FBXO28: variants seen among roughly 807,000 people sequenced by gnomAD.
FBXO28 encodes the protein F-box only protein 28.
Under a neutral mutation model 38.1 loss-of-function variants are expected in FBXO28, and 8 were observed. The ratio of observed to expected loss-of-function variants is 0.21; its 90% CI spans 0.12 to 0.38. FBXO28 has a LOEUF of 0.38. Among genes scored for constraint, FBXO28 ranks in the 10% least tolerant of loss-of-function variants. The pLI, the probability that FBXO28 is intolerant of heterozygous loss-of-function variation, is 1.00. For synonymous variants in FBXO28, 168 were observed against 173.8 expected (o/e 0.97, Z 0.26); for missense variants, 345 against 460.6 (o/e 0.75, Z 2.30).
At chr1:224,135,478 G>A (rs905676585) in intron 3 of FBXO28, among the ~76,000 whole-genome samples, 13 of 151,842 alleles carry the variant, frequency 8.6e-5, no homozygotes, top group African/African-American at 2.9e-4. Flanking sequence ...CGGCTGTAGT[G>A]GCTCGCACCT....
chr1:224,157,308 G>T (rs1257555994), intron 4 of FBXO28, 44 bp from the exon 5 acceptor site: 3 of 1,535,852 alleles, frequency 2.0e-6, no homozygotes, highest in African/African-American at 1.4e-5. Flanking sequence ...TACTGGTAGA[G>T]AGACATTTTA....
Position 224,158,122 on chromosome 1 carries a change from G to A in FBXO28, c.*376G>A, listed in dbSNP as rs968304149. 6 of 995,094 alleles carry A rather than the reference G, an allele frequency of 6.0e-6. No individual in the cohort carries two copies. The South Asian group carries it at 1.9e-4, about 31-fold the overall frequency. 61.6% of individuals were successfully genotyped at this position (995,094 alleles called of 1,614,324 possible). On this transcript the variant is annotated 3_prime_UTR_variant, in exon 5 of 5. Transcript: ENST00000366862. ...TTAAGTTTAATACAGAAAATGTCCT[G>A]TTCACTTGAAAGAAAAGACCTACTT...
At chr1:224,133,936 G>A (rs1657117286) in intron 2 of FBXO28, 138 bp from the exon 3 acceptor site, 2 of 560,460 alleles carry the variant, frequency 3.6e-6, no homozygotes, top group Non-Finnish European at 5.7e-6. Flanking sequence ...CATCATTACA[G>A]TTAAATTATG....
At chr1:224,128,762 G>A in intron 1 of FBXO28, among the ~76,000 whole-genome samples, 1 of 152,048 alleles carries the variant, frequency 6.6e-6, no homozygotes, top group East Asian at 1.9e-4. Context: ...CAAAGCAGAG[G>A]ATTGCTTGAG....
rs531070585 is a variant in FBXO28, at chr1:224,133,389, G to A, written c.378-685G>A. On this transcript the variant is annotated intron_variant, in intron 2 of 4. Coordinates refer to ENST00000366862, the MANE Select transcript of FBXO28 (RefSeq NM_015176.4). ...GAGTTATTTCTTAAATTGCTAAAAA[G>A]TTTAAAGGAGTTAAATTTTATCATC... 1.1e-3 allele frequency among the ~76,000 whole-genome samples: 167 copies of A among 152,188 alleles called. 5 individuals are homozygous for A. The South Asian group carries it at 0.034, about 31-fold the overall frequency.
At chr1:224,137,413 C>T (rs1422095783) in intron 3 of FBXO28, among the ~76,000 whole-genome samples, 1 of 151,556 alleles carries the variant, frequency 6.6e-6, no homozygotes, top group East Asian at 1.9e-4. Context: ...GTCCCAGTTA[C>T]TCAGGAGACT....
In FBXO28 at chr1:224,134,221, G is replaced by A. The variant is rs1657122685; in HGVS notation, c.516+9G>A. 2 of 1,611,420 alleles carry A rather than the reference G, an allele frequency of 1.2e-6. No individual in the cohort carries two copies. Among genetic ancestry groups the A allele is most frequent in the Non-Finnish European group, 1.7e-6 (2 of 1,179,242 alleles). On this transcript the variant is annotated intron_variant, in intron 3 of 4. Coordinates refer to ENST00000366862, the MANE Select transcript of FBXO28 (RefSeq NM_015176.4). ...GCTTCATCCCAGGAAAGGTAAAATAGAATTGCTTGCCTAGAACAGCTGGAC... is the reference window on the plus strand; with the variant it reads ...GCTTCATCCCAGGAAAGGTAAAATAAAATTGCTTGCCTAGAACAGCTGGAC...
At chr1:224,130,045 G>A (rs927007336) in intron 1 of FBXO28, among the ~76,000 whole-genome samples, 2 of 151,322 alleles carry the variant, frequency 1.3e-5, no homozygotes, top group Admixed American at 1.3e-4. Flanking sequence ...TACTGAATCA[G>A]AGTTACATAC....
chr1:224,142,558 G>A (rs192847171), intron 3 of FBXO28, among the ~76,000 whole-genome samples: 2 of 152,190 alleles, frequency 1.3e-5, no homozygotes, highest in East Asian at 3.9e-4. Flanking sequence ...GCTCACGCCT[G>A]TGATCCCAGC....
chr1:224,155,364 A>G (rs1222733015), intron 4 of FBXO28, among the ~76,000 whole-genome samples: 2 of 152,036 alleles, frequency 1.3e-5, no homozygotes, highest in Non-Finnish European at 2.9e-5. Context: ...ACAGGGTTTC[A>G]CCATGTTGTT....
Position 224,157,653 on chromosome 1 carries a change from C to T in FBXO28, c.1014C>T (p.Ser338=), listed in dbSNP as rs1265726507. Residue 338 remains serine, a synonymous_variant, in exon 5 of 5, where the codon TCC becomes TCT. Transcript: ENST00000366862. The part of the protein sequence containing the change: ...MESAVGNSSG[S]GQNEESPRKR... ...GTGCTGTAGGAAATTCCTCAGGGTC[C>T]GGGCAGAATGAGGAGTCTCCTCGGA... is the stretch of plus-strand genomic sequence containing the variant. The T allele has an allele frequency of 1.3e-5, 21 of 1,614,026 alleles. No individual in the cohort carries two copies. The highest frequency in any genetic ancestry group is 1.6e-4 in the Middle Eastern group (1 of 6,084).
At position 224,160,453 on chromosome 1, in the gene FBXO28, A is replaced by G. The variant is rs1657879415; in HGVS notation, c.*2707A>G. On this transcript the variant is annotated 3_prime_UTR_variant, in exon 5 of 5. Coordinates refer to ENST00000366862, the MANE Select transcript of FBXO28 (RefSeq NM_015176.4). The stretch of plus-strand genomic sequence containing the variant: ...AATGTATTCTGGTACAGCGCTGCAC[A>G]CATGGATAGCAATGTGAAAAGGCAT... 1 of 152,148 alleles carries G rather than the reference A, an allele frequency of 6.6e-6. No homozygotes were observed. The highest frequency in any genetic ancestry group is 2.4e-5 in the African/African-American group (1 of 41,442). The allele number at this position is 152,148 out of a possible 1,614,324, so 9.4% of individuals were successfully genotyped here. A position where few individuals can be genotyped will look rare whatever the true frequency, so the allele number is the denominator to read the frequency against.
At chr1:224,122,503 C>G (rs1656801779) in intron 1 of FBXO28, among the ~76,000 whole-genome samples, 1 of 152,032 alleles carries the variant, frequency 6.6e-6, no homozygotes, top group Admixed American at 6.5e-5. Context: ...CTTTATAGCT[C>G]TTTGAGGCGG....
At chr1:224,126,408 A>G (rs1295566440) in intron 1 of FBXO28, among the ~76,000 whole-genome samples, 1 of 152,228 alleles carries the variant, frequency 6.6e-6, no homozygotes, top group Admixed American at 6.5e-5. Flanking sequence ...TCTTCTCAGA[A>G]ATTATCAACA....
Position 224,157,623 on chromosome 1 carries a change from G to A in FBXO28, c.984G>A (p.Met328Ile). Residue 328 changes from methionine (M) to isoleucine (I), a missense_variant, in exon 5 of 5, where the codon ATG becomes ATA. Around this residue, in one of 6 missense-constraint regions of FBXO28, gnomAD observed 151 missense variants for 188.3 expected, o/e 0.80. Coordinates refer to ENST00000366862, the MANE Select transcript of FBXO28 (RefSeq NM_015176.4). ...AELERKLREVMESAVGNSSGS... is the reference protein window; with the variant it reads ...AELERKLREVIESAVGNSSGS... ...TAGAACGCAAACTACGAGAAGTAAT[G>A]GAAAGTGCTGTAGGAAATTCCTCAG... is the stretch of plus-strand genomic sequence containing the variant. 2 of 1,614,262 alleles carry A rather than the reference G, an allele frequency of 1.2e-6. No individual in the cohort carries two copies. The highest frequency in any genetic ancestry group is 2.2e-5 in the South Asian group (2 of 91,088).
chr1:224,149,057 T>C (rs978503928), intron 3 of FBXO28, among the ~76,000 whole-genome samples: 1 of 152,160 alleles, frequency 6.6e-6, no homozygotes, highest in Non-Finnish European at 1.5e-5. Flanking sequence ...ACAGTCCTAT[T>C]CTAGCCCAAA....
intron 3 of FBXO28, among the ~76,000 whole-genome samples, chr1:224,136,788 G>A (rs10799485): frequency 0.99 from 149,203 of 151,396 alleles, 73,608 homozygotes; most frequent in Middle Eastern, 1. Flanking sequence ...GTCTCGTTCT[G>A]TCGCCCAGGC....
At chr1:224,136,437 G>GT (rs1456470889) in intron 3 of FBXO28, among the ~76,000 whole-genome samples, 1 of 151,734 alleles carries the variant, frequency 6.6e-6, no homozygotes, top group Non-Finnish European at 1.5e-5. Flanking sequence ...GTACTTAAAA[G>GT]TTTAGGCCGG....
chr1:224,115,124 A>C (rs539479719), intron 1 of FBXO28, among the ~76,000 whole-genome samples: 80 of 152,134 alleles, frequency 5.3e-4, no homozygotes, highest in African/African-American at 1.9e-3. Context: ...ATTTACGCCC[A>C]CCCACCTGCT....
Sources: gnomAD v4.1 joint callset for allele counts (sites outside exome capture counted in the v4.1 genomes callset) on GRCh38, gnomAD v4.1.1 for gene constraint, gnomAD v4.1.1 regional missense constraint, MANE v1.5 for transcripts, NCBI Gene and HGNC (gene_info 2026-07-23, HGNC 2026-07-21) for gene names.